The following SRP54 variants were observed in gnomAD, a reference collection of about 807,000 sequenced individuals.
The protein encoded by SRP54 is signal recognition particle subunit SRP54.
Under a neutral mutation model 64.8 loss-of-function variants are expected in SRP54, and 10 were observed. The ratio of observed to expected loss-of-function variants is 0.15; its 90% CI spans 0.10 to 0.26. The LOEUF (loss-of-function observed/expected upper bound fraction) is 0.26, where lower values mean the gene tolerates loss of function less well. Among genes scored for constraint, SRP54 ranks in the 10% least tolerant of loss-of-function variants. The pLI, the probability that SRP54 is intolerant of heterozygous loss-of-function variation, is 1.00. For missense variants in SRP54, 325 were observed against 613.7 expected (o/e 0.53, Z 4.97); for synonymous variants, 193 against 185.6 (o/e 1.04, Z -0.32).
chr14:34,993,462 A>G (rs1287384342), intron 1 of SRP54: 1 of 151,984 alleles, frequency 6.6e-6, no homozygotes, highest in Non-Finnish European at 1.5e-5. Flanking sequence ...TTTTTTTTCA[A>G]TTTCATCAAG....
At chr14:35,023,810 A>ACG (rs1253125189) in intron 14 of SRP54, among the ~76,000 whole-genome samples, 1 of 151,604 alleles carries the variant, frequency 6.6e-6, no homozygotes, top group African/African-American at 2.4e-5. Context: ...ACACACACAC[A>ACG]CACACACACA....
chr14:35,007,790 TTAA>T (rs1476929454), intron 5 of SRP54, among the ~76,000 whole-genome samples: 6 of 129,162 alleles, frequency 4.6e-5, no homozygotes, highest in African/African-American at 1.6e-4. Flanking sequence ...TTAAAATATA[TTAA>T]TAACATATTA....
chr14:35,020,511 A>T (rs1161550501), intron 13 of SRP54, among the ~76,000 whole-genome samples: 1 of 152,200 alleles, frequency 6.6e-6, no homozygotes, highest in Non-Finnish European at 1.5e-5. Flanking sequence ...CTGCTTTATC[A>T]ACTAAGTTTA....
At position 35,014,727 on chromosome 14, in the gene SRP54, T is replaced by G. The variant is rs747804197; in HGVS notation, c.887-17T>G. 1 of 1,603,914 alleles carries G rather than the reference T, an allele frequency of 6.2e-7. No homozygotes were observed. Among genetic ancestry groups the G allele is most frequent in the East Asian group, 2.2e-5 (1 of 44,778 alleles). Reference sequence around the variant, plus strand: ...GTATAGTATTAGTTGTTAATTTTTCTTTTTTGTATCTTATAGGTATGGGCG... The same window carrying G: ...GTATAGTATTAGTTGTTAATTTTTCGTTTTTGTATCTTATAGGTATGGGCG... On this transcript the variant is annotated splice_polypyrimidine_tract_variant and intron_variant, in intron 10 of 15. Coordinates refer to ENST00000216774, the MANE Select transcript of SRP54 (RefSeq NM_003136.4).
intron 14 of SRP54, among the ~76,000 whole-genome samples, chr14:35,027,539 C>G (rs1443703155): frequency 6.6e-6 from 1 of 152,068 alleles, no homozygotes; most frequent in Non-Finnish European, 1.5e-5. Flanking sequence ...GAGTGGGTCA[C>G]GAGGTCAGGT....
At chr14:34,984,957 A>G (rs2043871035) in intron 1 of SRP54, among the ~76,000 whole-genome samples, 1 of 149,178 alleles carries the variant, frequency 6.7e-6, no homozygotes, top group Non-Finnish European at 1.5e-5. Flanking sequence ...ACGAAAGTGT[A>G]TAAAAGCAGT....
At chr14:34,984,027 G>A (rs548069578) in intron 1 of SRP54, among the ~76,000 whole-genome samples, 3 of 152,280 alleles carry the variant, frequency 2.0e-5, no homozygotes, top group African/African-American at 7.2e-5. Context: ...AGGAGATTAG[G>A]TAAGAGGTTT....
At chr14:34,996,817 G>T (rs1291055739) in intron 2 of SRP54, 30 bp downstream of exon 2, 2 of 1,411,518 alleles carry the variant, frequency 1.4e-6, no homozygotes, top group Non-Finnish European at 2.0e-6. Flanking sequence ...AAATATATAT[G>T]ATTGTATATT....
intron 13 of SRP54, among the ~76,000 whole-genome samples, chr14:35,020,506 T>C (rs1364753295): frequency 6.6e-6 from 1 of 152,252 alleles, no homozygotes; most frequent in Non-Finnish European, 1.5e-5. Context: ...TGCTGCTGCT[T>C]TATCAACTAA....
At chr14:34,998,956 AT>A (rs1234895355) in intron 2 of SRP54, among the ~76,000 whole-genome samples, 15 of 112,236 alleles carry the variant, frequency 1.3e-4, no homozygotes, top group Non-Finnish European at 2.9e-4. Context: ...TATTGTCTTT[AT>A]TATTACTTTG....
rs548906212 is a variant in SRP54, at chr14:35,027,250, G to A, written c.1328-838G>A. On this transcript the variant is annotated intron_variant, in intron 14 of 15. Transcript: ENST00000216774. ...TCACCACGTTGGCTAGGCTGGTCTC[G>A]AACTCCTGACCTCAAGTGATCTGCC... 6.6e-5 allele frequency among the ~76,000 whole-genome samples: 10 copies of A among 151,940 alleles called. No homozygotes were observed. The South Asian group carries it at 1.2e-3, about 19-fold the overall frequency.
At chr14:35,028,672 A>T (rs570372655) in intron 15 of SRP54, among the ~76,000 whole-genome samples, 1 of 152,316 alleles carries the variant, frequency 6.6e-6, no homozygotes, top group Non-Finnish European at 1.5e-5. Flanking sequence ...CAATAAATGA[A>T]TTATTTTCTT....
intron 7 of SRP54, among the ~76,000 whole-genome samples, chr14:35,010,990 A>G (rs901328382): frequency 1.3e-5 from 2 of 152,102 alleles, no homozygotes; most frequent in African/African-American, 4.8e-5. Flanking sequence ...CAGTTGCATG[A>G]TCATAAGCTC....
intron 13 of SRP54, 155 bp downstream of exon 13, chr14:35,019,229 G>A (rs1273490502): frequency 2.1e-5 from 12 of 568,270 alleles, no homozygotes; most frequent in Non-Finnish European, 3.4e-5. Flanking sequence ...TTACTCAAAG[G>A]GTTATGATTA....
chr14:34,990,875 A>G (rs1228436882), intron 1 of SRP54, among the ~76,000 whole-genome samples: 1 of 152,100 alleles, frequency 6.6e-6, no homozygotes, highest in Non-Finnish European at 1.5e-5. Flanking sequence ...TCATCATATT[A>G]TCTTCATTGA....
chr14:34,996,064 C>CA (rs201959550), intron 1 of SRP54, among the ~76,000 whole-genome samples: 43,005 of 119,278 alleles, frequency 0.36, 7,228 homozygotes, highest in Non-Finnish European at 0.42. Context: ...GACCCTGTCT[C>CA]AAAAAAAAAA....
intron 13 of SRP54, among the ~76,000 whole-genome samples, chr14:35,020,041 C>T (rs796583130): frequency 7.2e-5 from 11 of 151,986 alleles, no homozygotes; most frequent in South Asian, 4.2e-4. Context: ...AAAAATTAGC[C>T]GGGCGTGGTG....
Position 34,996,765 on chromosome 14 carries a change from A to G in SRP54, c.56A>G (p.Asn19Ser). Residue 19 changes from asparagine to serine, a missense_variant, in exon 2 of 16, where the codon AAT becomes AGT. By Grantham distance (46) the Asn-to-Ser change is conservative. Transcript: ENST00000216774. Reference sequence around the variant, plus strand: ...ACATCAGCATTACGCTCGTTGAGCAATGCCACCATTATCAATGAAGAGGTA... The same window carrying G: ...ACATCAGCATTACGCTCGTTGAGCAGTGCCACCATTATCAATGAAGAGGTA... ...KITSALRSLS[N>S]ATIINEEVLN... 2 of 1,612,506 alleles carry G rather than the reference A, an allele frequency of 1.2e-6. No individual in the cohort carries two copies. The highest frequency in any genetic ancestry group is 1.7e-6 in the Non-Finnish European group (2 of 1,178,606).
At chr14:34,986,080 A>C (rs952012808) in intron 1 of SRP54, among the ~76,000 whole-genome samples, 1 of 152,192 alleles carries the variant, frequency 6.6e-6, no homozygotes, top group Non-Finnish European at 1.5e-5. Flanking sequence ...AAGTATCGTA[A>C]AGAAATGATT....
Sources: allele counts gnomAD v4.1 joint callset (sites outside exome capture counted in the v4.1 genomes callset), GRCh38; gene constraint gnomAD v4.1.1; transcripts MANE v1.5; gene names NCBI Gene and HGNC (gene_info 2026-07-23, HGNC 2026-07-21).